SLC35F1: variants seen among roughly 807,000 people sequenced by gnomAD.
SLC35F1 encodes solute carrier family 35 member F1.
SLC35F1 carries 14 observed loss-of-function variants against 48.7 expected under a neutral mutation model. That is an observed-to-expected ratio of 0.29 (90% CI 0.19 to 0.45). The LOEUF (loss-of-function observed/expected upper bound fraction) is 0.45, where lower values mean the gene tolerates loss of function less well. SLC35F1 is among the 20% of genes least tolerant of loss of function. The probability of loss-of-function intolerance (pLI) is 1.00; values close to 1 mark genes in which losing one functional copy is unlikely to be tolerated. For synonymous variants in SLC35F1, 190 were observed against 202.2 expected, an observed-to-expected ratio of 0.94 and a Z score of 0.51; for missense variants, 404 against 500.0, an observed-to-expected ratio of 0.81 and a Z score of 1.83.
chr6:118,078,124 C>T (rs780603972), intron 1 of SLC35F1, among the ~76,000 whole-genome samples: 1 of 152,004 alleles, frequency 6.6e-6, no homozygotes, highest in Non-Finnish European at 1.5e-5. Flanking sequence ...TGGTGGAGTA[C>T]ATTTTTACTA....
chr6:118,262,756 C>T (rs185641660), intron 3 of SLC35F1, among the ~76,000 whole-genome samples: 408 of 152,234 alleles, frequency 2.7e-3, no homozygotes, highest in Non-Finnish European at 4.7e-3. Flanking sequence ...ACTGTAAGTG[C>T]AAACTTAATG....
chr6:117,910,287 G>T (rs1003917146), intron 1 of SLC35F1, among the ~76,000 whole-genome samples: 16 of 152,290 alleles, frequency 1.1e-4, no homozygotes, highest in African/African-American at 3.8e-4. Flanking sequence ...CTTGGATGTG[G>T]CTCCCCTCTG....
At chr6:118,188,379 G>C (rs555940651) in intron 2 of SLC35F1, among the ~76,000 whole-genome samples, 1 of 151,948 alleles carries the variant, frequency 6.6e-6, no homozygotes, top group Non-Finnish European at 1.5e-5. Context: ...GTGAAACCCC[G>C]TCTCTACTAA....
At chr6:118,277,621 G>A (rs189509424) in intron 6 of SLC35F1, 75 bp downstream of exon 6, 1 of 1,336,630 alleles carries the variant, frequency 7.5e-7, no homozygotes, top group East Asian at 2.3e-5. Context: ...TGGGTCGGGT[G>A]GAGCACAAAC....
chr6:118,182,519 A>AAGGAAGGAAGGAAGGAAGGAAGGAAG (rs752942549), intron 2 of SLC35F1, among the ~76,000 whole-genome samples: 1 of 106,310 alleles, frequency 9.4e-6, no homozygotes, highest in East Asian at 3.0e-4. Flanking sequence ...AGAGAGAGAG[A>AAGGAAGGAAGGAAGGAAGGAAGGAAG]GAAGGAAGGA....
chr6:118,135,002 C>T (rs1302793444), intron 1 of SLC35F1, among the ~76,000 whole-genome samples: 1 of 152,178 alleles, frequency 6.6e-6, no homozygotes, highest in Non-Finnish European at 1.5e-5. Flanking sequence ...AAGGCTAAAT[C>T]AGTAGATGGA....
At chr6:118,088,694 G>T (rs1054212505) in intron 1 of SLC35F1, among the ~76,000 whole-genome samples, 1 of 152,196 alleles carries the variant, frequency 6.6e-6, no homozygotes. Flanking sequence ...GTGTTTGGTT[G>T]TGCAAGTTTA....
intron 6 of SLC35F1, among the ~76,000 whole-genome samples, chr6:118,280,649 G>A (rs1418831502): frequency 4.6e-5 from 7 of 151,984 alleles, no homozygotes; most frequent in African/African-American, 1.2e-4. Flanking sequence ...AGGCTGAGGC[G>A]GGCGGATCAC....
chr6:118,222,106 T>G (rs143203062), intron 2 of SLC35F1, among the ~76,000 whole-genome samples: 18 of 152,334 alleles, frequency 1.2e-4, no homozygotes, highest in African/African-American at 4.3e-4. Flanking sequence ...ATTTGGCCTA[T>G]ATGATCAGTG....
chr6:118,151,861 C>CCTTT (rs984874385), intron 1 of SLC35F1, among the ~76,000 whole-genome samples: 1 of 152,050 alleles, frequency 6.6e-6, no homozygotes, highest in Admixed American at 6.6e-5. Flanking sequence ...TTTACCTCTA[C>CCTTT]CTTTCTTTCT....
chr6:118,305,955 G>A (rs2114665905), intron 7 of SLC35F1, among the ~76,000 whole-genome samples: 1 of 152,222 alleles, frequency 6.6e-6, no homozygotes, highest in South Asian at 2.1e-4. Flanking sequence ...AGTACTGCCT[G>A]GATTGATTTA....
intron 4 of SLC35F1, 80 bp downstream of exon 4, chr6:118,267,234 G>A: frequency 6.6e-7 from 1 of 1,523,428 alleles, no homozygotes; most frequent in Non-Finnish European, 9.0e-7. Flanking sequence ...ATAGTTGGGT[G>A]AAAACAAGGA....
intron 3 of SLC35F1, among the ~76,000 whole-genome samples, chr6:118,259,651 C>G (rs1377412194): frequency 6.8e-6 from 1 of 147,052 alleles, no homozygotes; most frequent in Non-Finnish European, 1.5e-5. Flanking sequence ...TAGAAAAATG[C>G]AAATCAAAAT....
chr6:118,263,430 A>G (rs879710243), intron 3 of SLC35F1, among the ~76,000 whole-genome samples: 2 of 152,218 alleles, frequency 1.3e-5, no homozygotes, highest in African/African-American at 4.8e-5. Context: ...GCATAAGGAG[A>G]ATAAAATTCG....
rs967176082 is a variant in SLC35F1, at chr6:118,316,676, C to G, written c.*2424C>G. On this transcript the variant is annotated 3_prime_UTR_variant, in exon 8 of 8. Coordinates refer to ENST00000360388, the MANE Select transcript of SLC35F1 (RefSeq NM_001029858.4). ...TATAAATTTCCAAAAAGTTTGCAATCAACAGATGGCTAAAGGTTGCCATCT... is the reference window on the plus strand; with the variant it reads ...TATAAATTTCCAAAAAGTTTGCAATGAACAGATGGCTAAAGGTTGCCATCT... 1 of 152,348 alleles carries G rather than the reference C, an allele frequency of 6.6e-6. No individual in the cohort carries two copies. The highest frequency in any genetic ancestry group is 2.4e-5 in the African/African-American group (1 of 41,426). 9.4% of individuals were successfully genotyped at this position (152,348 alleles called of 1,614,324 possible). A position where few individuals can be genotyped will look rare whatever the true frequency, so the allele number is the denominator to read the frequency against.
At chr6:117,958,729 C>T (rs114625351) in intron 1 of SLC35F1, among the ~76,000 whole-genome samples, 1,758 of 152,238 alleles carry the variant, frequency 0.012, 30 homozygotes, top group African/African-American at 0.037. Flanking sequence ...ATGATGTTTG[C>T]ACAAAGAGGA....
At chr6:118,187,508 T>C (rs1485223412) in intron 2 of SLC35F1, among the ~76,000 whole-genome samples, 2 of 152,178 alleles carry the variant, frequency 1.3e-5, no homozygotes, top group East Asian at 1.9e-4. Context: ...TCAATGATAA[T>C]GGAATGTACA....
chr6:117,956,666 G>A (rs1251764090), intron 1 of SLC35F1, among the ~76,000 whole-genome samples: 3 of 152,190 alleles, frequency 2.0e-5, no homozygotes, highest in Non-Finnish European at 4.4e-5. Flanking sequence ...AGGAGACATT[G>A]CAGAGGCCAT....
At chr6:117,940,075 A>C (rs1776209300) in intron 1 of SLC35F1, among the ~76,000 whole-genome samples, 1 of 152,230 alleles carries the variant, frequency 6.6e-6, no homozygotes, top group Non-Finnish European at 1.5e-5. Flanking sequence ...ATGGCAATAT[A>C]ACCAAGTACA....
Sources: allele counts gnomAD v4.1 joint callset (sites outside exome capture counted in the v4.1 genomes callset), GRCh38; gene constraint gnomAD v4.1.1; transcripts MANE v1.5; gene names NCBI Gene and HGNC (gene_info 2026-07-23, HGNC 2026-07-21).